ROBO1: variants seen among roughly 807,000 people sequenced by gnomAD.
ROBO1 encodes the protein roundabout homolog 1.
Under a neutral mutation model 195.9 loss-of-function variants are expected in ROBO1, and 149 were observed. The observed-to-expected ratio is 0.76, with a 90% CI of 0.67 to 0.87. ROBO1 has a LOEUF of 0.87. ROBO1 is among the 40% of genes least tolerant of loss of function. The pLI, the probability that ROBO1 is intolerant of heterozygous loss-of-function variation, is 0.00. For missense variants in ROBO1, 1,933 were observed against 2,068.3 expected (o/e 0.93, Z 1.27); for synonymous variants, 816 against 733.2 (o/e 1.11, Z -1.82).
At chr3:79,547,181 C>T (rs1415810302) in intron 2 of ROBO1, among the ~76,000 whole-genome samples, 2 of 68,620 alleles carry the variant, frequency 2.9e-5, no homozygotes, top group Non-Finnish European at 5.0e-5. Flanking sequence ...CGAGACTCCG[C>T]CTCAAAAAAA....
At chr3:79,704,390 T>C (rs1467065882) in intron 1 of ROBO1, among the ~76,000 whole-genome samples, 1 of 151,976 alleles carries the variant, frequency 6.6e-6, no homozygotes, top group Non-Finnish European at 1.5e-5. Context: ...TTTTTACTGT[T>C]TCCATAGTTT....
At chr3:79,360,292 T>C (rs2035717098) in intron 2 of ROBO1, among the ~76,000 whole-genome samples, 1 of 151,998 alleles carries the variant, frequency 6.6e-6, no homozygotes. Flanking sequence ...TCTCAAATGA[T>C]GATTTTTTAT....
intron 5 of ROBO1, among the ~76,000 whole-genome samples, chr3:78,734,658 A>T (rs983487664): frequency 2.6e-5 from 4 of 152,182 alleles, no homozygotes; most frequent in Non-Finnish European, 5.9e-5. Flanking sequence ...GATTTAAGAG[A>T]ATACTAACAA....
chr3:79,358,334 G>T (rs58222705), intron 2 of ROBO1, among the ~76,000 whole-genome samples: 8,360 of 152,098 alleles, frequency 0.055, 770 homozygotes, highest in African/African-American at 0.19. Flanking sequence ...TAAGTGTTAA[G>T]TCATCGGGGT....
At chr3:78,711,321 C>CCCCTTCCTTCCTTCCTTCCT (rs1559772354) in intron 8 of ROBO1, among the ~76,000 whole-genome samples, 1 of 141,520 alleles carries the variant, frequency 7.1e-6, no homozygotes, top group Admixed American at 7.1e-5. Flanking sequence ...CTTTCTCTCT[C>CCCCTTCCTTCCTTCCTTCCT]TCTCTCCTTC....
At chr3:79,613,403 ATAAC>A (rs1404408163) in intron 1 of ROBO1, among the ~76,000 whole-genome samples, 1 of 152,094 alleles carries the variant, frequency 6.6e-6, no homozygotes, top group Non-Finnish European at 1.5e-5. Context: ...AGAAAGAAGT[ATAAC>A]TAACAAGCCA....
intron 2 of ROBO1, among the ~76,000 whole-genome samples, chr3:79,147,846 A>G (rs2080685396): frequency 6.6e-6 from 1 of 151,940 alleles, no homozygotes; most frequent in Non-Finnish European, 1.5e-5. Flanking sequence ...TTCAATAGAG[A>G]ATTTCAAAAC....
rs532805479 is a variant in ROBO1 at position 79,118,863 on chromosome 3, CAA to C, written c.172+6591_172+6592del. 5.3e-3 allele frequency among the ~76,000 whole-genome samples: 366 copies of C among 69,592 alleles called. 1 individual carries two copies. The highest frequency in any genetic ancestry group is 0.015 in the African/African-American group (324 of 22,102). The allele number at this position is 69,592 out of a possible 152,430, so 45.7% of individuals were successfully genotyped here. A position where few individuals can be genotyped will look rare whatever the true frequency, so the allele number is the denominator to read the frequency against. On this transcript the variant is annotated intron_variant, in intron 3 of 30. Transcript: ENST00000464233. ...CTGGTGACAGAGCAAGACTCCAACT[CAA>C]AAAAAAAAAAAAAAAATTTGAAGCA...
chr3:79,440,042 G>C (rs1342598360), intron 2 of ROBO1, among the ~76,000 whole-genome samples: 1 of 152,062 alleles, frequency 6.6e-6, no homozygotes, highest in Non-Finnish European at 1.5e-5. Context: ...GGGCATGCCA[G>C]TCACAGAAGA....
intron 2 of ROBO1, among the ~76,000 whole-genome samples, chr3:79,572,582 A>G (rs534806344): frequency 3.7e-4 from 57 of 152,242 alleles, no homozygotes; most frequent in African/African-American, 1.3e-3. Context: ...ATCAAAGAGA[A>G]AAAGGATGGT....
At chr3:78,633,809 G>A (rs1705322396) in intron 24 of ROBO1, 126 bp downstream of exon 24, 2 of 510,704 alleles carry the variant, frequency 3.9e-6, no homozygotes, top group Non-Finnish European at 7.0e-6. Context: ...ACACATGCCT[G>A]AGACTCAAAT....
At chr3:79,026,962 G>T (rs2078213347) in intron 3 of ROBO1, among the ~76,000 whole-genome samples, 1 of 151,818 alleles carries the variant, frequency 6.6e-6, no homozygotes, top group Non-Finnish European at 1.5e-5. Flanking sequence ...CATATGTTGG[G>T]ATTTATGTCT....
At chr3:79,526,811 C>T (rs1941452026) in intron 2 of ROBO1, among the ~76,000 whole-genome samples, 1 of 151,964 alleles carries the variant, frequency 6.6e-6, no homozygotes, top group Admixed American at 6.6e-5. Flanking sequence ...AATTATGATT[C>T]TAAGAGACAA....
chr3:79,025,777 T>C (rs1279008031), intron 3 of ROBO1, among the ~76,000 whole-genome samples: 2 of 152,160 alleles, frequency 1.3e-5, no homozygotes, highest in Non-Finnish European at 2.9e-5. Context: ...GAGCACTGAC[T>C]GAGGTTAAAG....
intron 2 of ROBO1, among the ~76,000 whole-genome samples, chr3:79,284,338 C>G (rs182634909): frequency 6.6e-6 from 1 of 152,102 alleles, no homozygotes; most frequent in East Asian, 1.9e-4. Context: ...TCTTAAGTTT[C>G]CTTCAGAAAA....
At position 78,617,069 on chromosome 3, in the gene ROBO1, C is replaced by T. The variant is rs3773199; in HGVS notation, c.4282+566G>A. ...GAAAATGTATGCACATTACATATAC[C>T]GTCATATCTTCCCAATTAATATTCT... On this transcript the variant is annotated intron_variant, in intron 27 of 30. Transcript: ENST00000464233. Among the ~76,000 whole-genome samples the T allele has an allele frequency of 1.1e-3, 167 of 152,072 alleles. 2 individuals carry two copies. The East Asian group carries it at 0.025, about 23-fold the overall frequency.
chr3:79,243,403 C>T (rs1217949261), intron 2 of ROBO1, among the ~76,000 whole-genome samples: 4 of 152,054 alleles, frequency 2.6e-5, no homozygotes, highest in East Asian at 1.9e-4. Flanking sequence ...CCTGAGGAAT[C>T]GCCACACTGT....
intron 2 of ROBO1, among the ~76,000 whole-genome samples, chr3:79,203,257 C>T (rs1202888573): frequency 6.6e-6 from 1 of 152,132 alleles, no homozygotes; most frequent in Non-Finnish European, 1.5e-5. Context: ...ATTTAAATAT[C>T]AGTGGTTCTA....
rs1274224915 is a variant in ROBO1 at position 78,657,246 on chromosome 3, A to C, written c.2466T>G (p.Thr822=). ...CCACTGTTTTGTTGATGTGGTATCG[A>C]GTTTCATTGCCCAGACACCAAACCT... ...EYKVWCLGNE[T]RYHINKTVDG... Residue 822 remains threonine, a synonymous_variant, in exon 18 of 31, where the codon ACT becomes ACG. Coordinates refer to ENST00000464233, the MANE Select transcript of ROBO1 (RefSeq NM_002941.4). 9.3e-6 allele frequency: 15 copies of C among 1,613,696 alleles called. No individual in the cohort carries two copies. Among genetic ancestry groups the C allele is most frequent in the South Asian group, 3.3e-5 (3 of 91,010 alleles).
Sources: allele counts gnomAD v4.1 joint callset (sites outside exome capture counted in the v4.1 genomes callset), GRCh38; gene constraint gnomAD v4.1.1; transcripts MANE v1.5; gene names NCBI Gene and HGNC (gene_info 2026-07-23, HGNC 2026-07-21).